WDR70: variants seen among roughly 807,000 people sequenced by gnomAD.
The protein encoded by WDR70 is WD repeat-containing protein 70.
WDR70 carries 53 observed loss-of-function variants against 88.6 expected under a neutral mutation model. The observed-to-expected ratio is 0.60, with a 90% CI of 0.48 to 0.75. WDR70 has a LOEUF of 0.75. Ranked by LOEUF, WDR70 falls within the 30% of genes least tolerant of loss-of-function variation. The pLI, the probability that WDR70 is intolerant of heterozygous loss-of-function variation, is 0.00. For missense variants in WDR70, 610 were observed against 823.2 expected (o/e 0.74, Z 3.17); for synonymous variants, 280 against 270.0 (o/e 1.04, Z -0.36).
At chr5:37,615,484 C>T (rs1275367589) in intron 10 of WDR70, among the ~76,000 whole-genome samples, 1 of 151,856 alleles carries the variant, frequency 6.6e-6, no homozygotes, top group Non-Finnish European at 1.5e-5. Flanking sequence ...GGTAAGACAG[C>T]TGCTCAAATG....
At chr5:37,528,409 C>T (rs961437726) in intron 9 of WDR70, among the ~76,000 whole-genome samples, 4 of 152,016 alleles carry the variant, frequency 2.6e-5, no homozygotes, top group Admixed American at 1.3e-4. Flanking sequence ...TGTTCTTACT[C>T]ATAGGTGGCA....
chr5:37,395,545 T>C (rs1456987505), intron 4 of WDR70, among the ~76,000 whole-genome samples: 4 of 152,200 alleles, frequency 2.6e-5, no homozygotes, highest in Non-Finnish European at 5.9e-5. Flanking sequence ...CTACATTTAA[T>C]GTTTTGGCAA....
chr5:37,507,898 A>G (rs755872577), intron 8 of WDR70, among the ~76,000 whole-genome samples: 19 of 152,136 alleles, frequency 1.2e-4, no homozygotes, highest in Non-Finnish European at 1.6e-4. Flanking sequence ...GATTTTCTAC[A>G]TAAATGGTCA....
At chr5:37,569,325 C>T (rs1351742234) in intron 9 of WDR70, among the ~76,000 whole-genome samples, 2 of 152,124 alleles carry the variant, frequency 1.3e-5, no homozygotes, top group Non-Finnish European at 2.9e-5. Context: ...AAGTCACTTG[C>T]TGCTTTCTCA....
At chr5:37,704,389 G>T (rs928206255) in intron 13 of WDR70, among the ~76,000 whole-genome samples, 22 of 152,176 alleles carry the variant, frequency 1.4e-4, no homozygotes, top group Admixed American at 1.4e-3. Context: ...TGTAGCTTAA[G>T]TTGAACTGTA....
At chr5:37,521,500 T>TC (rs1216445429) in intron 9 of WDR70, among the ~76,000 whole-genome samples, 1 of 152,084 alleles carries the variant, frequency 6.6e-6, no homozygotes, top group Non-Finnish European at 1.5e-5. Context: ...CGCCACCGTT[T>TC]CCCCCAAGTC....
At chr5:37,512,155 C>T (rs1203761767) in intron 8 of WDR70, among the ~76,000 whole-genome samples, 1 of 152,130 alleles carries the variant, frequency 6.6e-6, no homozygotes, top group African/African-American at 2.4e-5. Context: ...TATATAACTC[C>T]ATTCTCTGCC....
At chr5:37,600,814 T>TA (rs34379328) in intron 9 of WDR70, among the ~76,000 whole-genome samples, 70,505 of 151,906 alleles carry the variant, frequency 0.46, 17,960 homozygotes, top group Non-Finnish European at 0.58. Flanking sequence ...TGTAAAAGGG[T>TA]ACAGCCACTC....
chr5:37,450,600 C>T (rs184159406), intron 7 of WDR70, among the ~76,000 whole-genome samples: 3 of 152,212 alleles, frequency 2.0e-5, no homozygotes, highest in Admixed American at 1.3e-4. Flanking sequence ...CCTCAGTATA[C>T]CTGTAAAGCA....
chr5:37,741,159 G>A (rs1748461509), intron 17 of WDR70, among the ~76,000 whole-genome samples: 1 of 151,494 alleles, frequency 6.6e-6, no homozygotes, highest in Non-Finnish European at 1.5e-5. Context: ...GGAGGCTAAG[G>A]CCCTCTCCAA....
chr5:37,546,391 A>T (rs979180941), intron 9 of WDR70, among the ~76,000 whole-genome samples: 2 of 152,196 alleles, frequency 1.3e-5, no homozygotes, highest in Non-Finnish European at 2.9e-5. Flanking sequence ...AAGTTTGATA[A>T]AGTTCAAGTT....
At chr5:37,516,366 G>C (rs1740883213) in intron 8 of WDR70, 148 bp from the exon 9 acceptor site, 1 of 475,178 alleles carries the variant, frequency 2.1e-6, no homozygotes, top group Non-Finnish European at 3.8e-6. Context: ...AGAAAATTGG[G>C]ATAAAATAAT....
At chr5:37,543,305 A>G (rs1741885590) in intron 9 of WDR70, among the ~76,000 whole-genome samples, 1 of 152,212 alleles carries the variant, frequency 6.6e-6, no homozygotes, top group Non-Finnish European at 1.5e-5. Flanking sequence ...ATGATTGGTT[A>G]TGTATCATTT....
At chr5:37,394,588 T>C (rs1748951292) in intron 4 of WDR70, among the ~76,000 whole-genome samples, 1 of 152,162 alleles carries the variant, frequency 6.6e-6, no homozygotes, top group Non-Finnish European at 1.5e-5. Context: ...GTAATGAAGA[T>C]AAACAAAGGT....
At chr5:37,576,553 C>T (rs1743060241) in intron 9 of WDR70, among the ~76,000 whole-genome samples, 1 of 152,112 alleles carries the variant, frequency 6.6e-6, no homozygotes, top group Admixed American at 6.5e-5. Flanking sequence ...ACTTTATTTT[C>T]ACTTAGGACA....
chr5:37,542,449 T>C (rs1178879566), intron 9 of WDR70, among the ~76,000 whole-genome samples: 2 of 151,934 alleles, frequency 1.3e-5, no homozygotes, highest in Non-Finnish European at 2.9e-5. Flanking sequence ...CCGGCTAATT[T>C]TTTGTATTTT....
chr5:37,738,988 C>T (rs1256536339), intron 17 of WDR70, among the ~76,000 whole-genome samples: 1 of 152,216 alleles, frequency 6.6e-6, no homozygotes, highest in Admixed American at 6.5e-5. Flanking sequence ...TAATGATTGG[C>T]AGCAATGACC....
chr5:37,722,516 C>A (rs1451494979), intron 14 of WDR70: 4 of 238,844 alleles, frequency 1.7e-5, no homozygotes, highest in South Asian at 6.4e-5. Context: ...AAAATTTTAA[C>A]CCTGTGACCT....
chr5:37,499,650 C>T (rs1262254014), intron 8 of WDR70, among the ~76,000 whole-genome samples: 16 of 145,754 alleles, frequency 1.1e-4, no homozygotes, highest in African/African-American at 3.6e-4. Context: ...ACTGCAGCCT[C>T]GCCAGCCTGG....
Sources: allele counts gnomAD v4.1 joint callset (sites outside exome capture counted in the v4.1 genomes callset), GRCh38; gene constraint gnomAD v4.1.1; transcripts MANE v1.5; gene names NCBI Gene and HGNC (gene_info 2026-07-23, HGNC 2026-07-21).